Variants in FOXO3 observed in about 807,000 individuals in gnomAD.
FOXO3 encodes forkhead box O3.
In FOXO3, 4 loss-of-function variants were observed where a neutral mutation model predicts 41.9. The ratio of observed to expected loss-of-function variants is 0.10; its 90% CI spans 0.05 to 0.22. FOXO3 has a LOEUF of 0.22. FOXO3 is among the 10% of genes least tolerant of loss of function. The pLI is 1.00. For missense variants in FOXO3, 534 were observed against 906.8 expected, an observed-to-expected ratio of 0.59 and a Z score of 5.28; for synonymous variants, 318 against 389.3, an observed-to-expected ratio of 0.82 and a Z score of 2.16.
At chr6:108,602,610 A>G (rs1271941150) in intron 1 of FOXO3, among the ~76,000 whole-genome samples, 1 of 152,100 alleles carries the variant, frequency 6.6e-6, no homozygotes, top group Non-Finnish European at 1.5e-5. Context: ...ATATTTATCC[A>G]GAAGGAGGCA....
intron 1 of FOXO3, among the ~76,000 whole-genome samples, chr6:108,589,753 T>A (rs1313498393): frequency 2.0e-5 from 3 of 152,196 alleles, no homozygotes; most frequent in Non-Finnish European, 4.4e-5. Context: ...TATGGGAAAT[T>A]TAGGGGACTT....
intron 1 of FOXO3, chr6:108,639,701 T>A: frequency 3.5e-6 from 1 of 282,998 alleles, no homozygotes; most frequent in Non-Finnish European, 5.3e-6. Flanking sequence ...TTACGCACCT[T>A]CCTTTTCTAT....
chr6:108,587,963 T>G (rs1213014167), intron 1 of FOXO3, among the ~76,000 whole-genome samples: 2 of 152,334 alleles, frequency 1.3e-5, no homozygotes, highest in Admixed American at 1.3e-4. Flanking sequence ...TCCCTCCTCC[T>G]CTAGCTTCTT....
intron 1 of FOXO3, among the ~76,000 whole-genome samples, chr6:108,613,039 T>C (rs922721568): frequency 6.6e-6 from 1 of 152,232 alleles, no homozygotes; most frequent in Admixed American, 6.5e-5. Context: ...TCTTTTTCAG[T>C]CTTTTAATAT....
At chr6:108,565,926 A>G (rs1464226332) in intron 1 of FOXO3, among the ~76,000 whole-genome samples, 1 of 152,008 alleles carries the variant, frequency 6.6e-6, no homozygotes, top group East Asian at 1.9e-4. Context: ...CATAATTTTG[A>G]CCTCAGTCAC....
intron 1 of FOXO3, among the ~76,000 whole-genome samples, chr6:108,584,172 C>G (rs929851938): frequency 1.3e-5 from 2 of 152,150 alleles, no homozygotes; most frequent in African/African-American, 2.4e-5. Flanking sequence ...TCTGGTGAGT[C>G]TGCAGTATAG....
At chr6:108,614,397 C>G (rs1740160497) in intron 1 of FOXO3, among the ~76,000 whole-genome samples, 1 of 152,068 alleles carries the variant, frequency 6.6e-6, no homozygotes, top group Non-Finnish European at 1.5e-5. Flanking sequence ...TTTTGAAAAT[C>G]TATTATTAGG....
At chr6:108,593,711 T>TA (rs1776794368) in intron 1 of FOXO3, among the ~76,000 whole-genome samples, 1 of 131,062 alleles carries the variant, frequency 7.6e-6, no homozygotes, top group African/African-American at 3.0e-5. Flanking sequence ...CTTTTCTTCT[T>TA]CTTTTTTTTT....
intron 1 of FOXO3, among the ~76,000 whole-genome samples, chr6:108,580,182 C>CTTT (rs1776368788): frequency 8.8e-5 from 7 of 79,264 alleles, no homozygotes; most frequent in Admixed American, 1.8e-4. Flanking sequence ...AGCTCTTCTT[C>CTTT]ATTTTTTTTT....
At chr6:108,644,046 G>A (rs1209965645) in intron 1 of FOXO3, among the ~76,000 whole-genome samples, 1 of 152,176 alleles carries the variant, frequency 6.6e-6, no homozygotes, top group African/African-American at 2.4e-5. Flanking sequence ...TCCCTCACTG[G>A]AAAAGGCCAT....
chr6:108,576,993 T>A (rs1776280876), intron 1 of FOXO3, among the ~76,000 whole-genome samples: 1 of 152,194 alleles, frequency 6.6e-6, no homozygotes. Context: ...CATTTGTCAG[T>A]GTGGTTACTG....
intron 1 of FOXO3, among the ~76,000 whole-genome samples, chr6:108,574,983 G>C (rs950628516): frequency 1.1e-4 from 17 of 152,142 alleles, no homozygotes; most frequent in African/African-American, 4.1e-4. Context: ...CAGCATGCAG[G>C]GGAGGACTGT....
At chr6:108,670,633 T>G (rs1027732247) in intron 2 of FOXO3, among the ~76,000 whole-genome samples, 1 of 152,174 alleles carries the variant, frequency 6.6e-6, no homozygotes, top group Non-Finnish European at 1.5e-5. Flanking sequence ...ATGCAGTGTT[T>G]CCTAAATGTG....
chr6:108,605,594 A>G (rs758985264), intron 1 of FOXO3, among the ~76,000 whole-genome samples: 30 of 152,354 alleles, frequency 2.0e-4, no homozygotes, highest in Non-Finnish European at 3.7e-4. Flanking sequence ...GCTTGCCTCA[A>G]ATGACACTTC....
intron 1 of FOXO3, among the ~76,000 whole-genome samples, chr6:108,640,908 T>G (rs981143110): frequency 5.3e-5 from 8 of 152,090 alleles, no homozygotes; most frequent in Non-Finnish European, 4.4e-5. Flanking sequence ...GGAAACTCAG[T>G]ATTTCTTTCT....
chr6:108,635,174 G>A (rs973573911), intron 1 of FOXO3, among the ~76,000 whole-genome samples: 5 of 151,900 alleles, frequency 3.3e-5, no homozygotes, highest in South Asian at 2.1e-4. Context: ...GGTGGCAGGC[G>A]CCTGTAATCC....
At chr6:108,665,302 A>G (rs535322975) in intron 2 of FOXO3, among the ~76,000 whole-genome samples, 1 of 152,304 alleles carries the variant, frequency 6.6e-6, no homozygotes, top group Non-Finnish European at 1.5e-5. Flanking sequence ...GCTTTCCTAG[A>G]AAGACTCTCT....
intron 2 of FOXO3, among the ~76,000 whole-genome samples, chr6:108,673,766 A>G (rs76919963): frequency 0.011 from 1,721 of 152,096 alleles, 35 homozygotes; most frequent in African/African-American, 0.039. Context: ...CGCCCCCCAC[A>G]TACACACACC....
At chr6:108,590,138 T>C (rs1264598635) in intron 1 of FOXO3, among the ~76,000 whole-genome samples, 4 of 142,152 alleles carry the variant, frequency 2.8e-5, no homozygotes, top group African/African-American at 1.0e-4. Flanking sequence ...AATTTAAATC[T>C]TTTTTTTTTT....
Sources: gnomAD v4.1 joint callset for allele counts (sites outside exome capture counted in the v4.1 genomes callset) on GRCh38, gnomAD v4.1.1 for gene constraint, MANE v1.5 for transcripts, NCBI Gene and HGNC (gene_info 2026-07-23, HGNC 2026-07-21) for gene names.